SYT2: variants seen among roughly 807,000 people sequenced by gnomAD.
SYT2 encodes synaptotagmin-2.
Under a neutral mutation model 39.9 loss-of-function variants are expected in SYT2, and 15 were observed. The ratio of observed to expected loss-of-function variants is 0.38; its 90% CI spans 0.25 to 0.58. The LOEUF is 0.58. SYT2 is among the 20% of genes least tolerant of loss of function. SYT2 has a pLI of 0.70. For missense variants in SYT2, 389 were observed against 530.3 expected, an observed-to-expected ratio of 0.73 and a Z score of 2.62; for synonymous variants, 181 against 204.5, an observed-to-expected ratio of 0.89 and a Z score of 0.98.
chr1:202,639,826 T>TG, intron 1 of SYT2: 2 of 985,438 alleles, frequency 2.0e-6, no homozygotes, highest in Non-Finnish European at 2.4e-6. Context: ...CACAGGACGT[T>TG]GGGGCATTTT....
intron 1 of SYT2, among the ~76,000 whole-genome samples, chr1:202,700,453 G>C (rs1034618396): frequency 2.0e-5 from 3 of 152,138 alleles, no homozygotes; most frequent in African/African-American, 7.2e-5. Flanking sequence ...CGTTTATTGA[G>C]GACCCTCCAA....
chr1:202,696,219 G>T (rs1256710912), intron 1 of SYT2, among the ~76,000 whole-genome samples: 1 of 152,080 alleles, frequency 6.6e-6, no homozygotes, highest in Non-Finnish European at 1.5e-5. Flanking sequence ...AACCCAAATC[G>T]TGCCTCCCAG....
intron 1 of SYT2, among the ~76,000 whole-genome samples, chr1:202,681,487 A>G (rs1653523919): frequency 6.6e-6 from 1 of 152,232 alleles, no homozygotes; most frequent in South Asian, 2.1e-4. Context: ...AATGTTAAGT[A>G]AAATATCTAA....
At chr1:202,605,851 C>A (rs1483251346) in intron 1 of SYT2, 62 bp from the exon 2 acceptor site, 2 of 1,317,910 alleles carry the variant, frequency 1.5e-6, no homozygotes, top group African/African-American at 2.9e-5. Flanking sequence ...CCTGAGAAAG[C>A]CCTGCCCAAA....
At chr1:202,691,779 GA>G (rs1653841855) in intron 1 of SYT2, among the ~76,000 whole-genome samples, 1 of 141,890 alleles carries the variant, frequency 7.0e-6, no homozygotes, top group African/African-American at 2.7e-5. Context: ...GAGAGAGAGA[GA>G]GAGATGGGAG....
At chr1:202,705,002 A>G (rs1047957461) in intron 1 of SYT2, among the ~76,000 whole-genome samples, 1 of 152,210 alleles carries the variant, frequency 6.6e-6, no homozygotes, top group Non-Finnish European at 1.5e-5. Context: ...GCCTGATTTA[A>G]ATCACCCAGC....
intron 1 of SYT2, among the ~76,000 whole-genome samples, chr1:202,615,583 C>G (rs1691011139): frequency 1.3e-5 from 2 of 152,214 alleles, no homozygotes; most frequent in Admixed American, 6.5e-5. Context: ...CCAGACTGAT[C>G]TATTTAAAAC....
intron 1 of SYT2, among the ~76,000 whole-genome samples, chr1:202,666,596 T>C (rs1307235691): frequency 1.3e-5 from 2 of 152,302 alleles, no homozygotes; most frequent in Admixed American, 6.5e-5. Context: ...TGAATGACTT[T>C]ATCGGTCTAT....
intron 1 of SYT2, among the ~76,000 whole-genome samples, chr1:202,610,217 G>C (rs1690848941): frequency 6.6e-6 from 1 of 152,176 alleles, no homozygotes; most frequent in African/African-American, 2.4e-5. Flanking sequence ...CATTATTTCT[G>C]AGGGCTCTGT....
intron 1 of SYT2, among the ~76,000 whole-genome samples, chr1:202,662,525 C>T (rs1692400948): frequency 6.6e-6 from 1 of 152,240 alleles, no homozygotes; most frequent in South Asian, 2.1e-4. Flanking sequence ...CCAAGTGCTA[C>T]CCTTCCACCG....
chr1:202,697,947 T>C (rs1038805245), intron 1 of SYT2, among the ~76,000 whole-genome samples: 5 of 152,198 alleles, frequency 3.3e-5, no homozygotes, highest in African/African-American at 9.6e-5. Flanking sequence ...TCCTTGCTGA[T>C]AGCTGCCAGG....
At chr1:202,600,705 G>A (rs945738997) in intron 6 of SYT2, among the ~76,000 whole-genome samples, 1 of 152,192 alleles carries the variant, frequency 6.6e-6, no homozygotes, top group African/African-American at 2.4e-5. Context: ...CAGGAGCCGT[G>A]GGCTGAGGAT....
Position 202,607,881 on chromosome 1 carries a change from CTT to C in SYT2, c.-17-2094_-17-2093del, listed in dbSNP as rs34654342. Among the ~76,000 whole-genome samples the C allele has an allele frequency of 4.8e-3, 730 of 150,596 alleles. 6 individuals are homozygous for C. Among genetic ancestry groups the C allele is most frequent in the African/African-American group, 0.017 (698 of 41,146 alleles). On this transcript the variant is annotated intron_variant, in intron 1 of 8. Coordinates refer to ENST00000367268, the MANE Select transcript of SYT2 (RefSeq NM_177402.5). ...ACCACACTGTTCAGGGCTCTGTGAC[CTT>C]TTTTTTTTAAAAAACAGCTTTATTG...
chr1:202,682,452 AG>A (rs1340253715), intron 1 of SYT2, among the ~76,000 whole-genome samples: 1 of 152,242 alleles, frequency 6.6e-6, no homozygotes, highest in Non-Finnish European at 1.5e-5. Context: ...CAGATGGACA[AG>A]AAGGGCACAG....
rs1367346157 is a variant in SYT2 at position 202,628,065 on chromosome 1, C to CA, written c.-17-22277dup. On this transcript the variant is annotated intron_variant, in intron 1 of 8. Coordinates refer to ENST00000367268, the MANE Select transcript of SYT2 (RefSeq NM_177402.5). This position sits in a 1 kb window ranked among gnomAD's most constrained non-coding sequence, Gnocchi z 4.2. ...GGGAAGGTGGGTCTAACGGGAAGATCACAAAGGCACCGGGCTCAGAGGTGG... is the reference window on the plus strand; with the variant it reads ...GGGAAGGTGGGTCTAACGGGAAGATCAACAAAGGCACCGGGCTCAGAGGTGG... 2.0e-5 allele frequency among the ~76,000 whole-genome samples: 3 copies of CA among 152,146 alleles called. No individual in the cohort carries two copies. The highest frequency in any genetic ancestry group is 7.2e-5 in the African/African-American group (3 of 41,428).
chr1:202,708,651 C>T (rs1181862709), intron 1 of SYT2, among the ~76,000 whole-genome samples: 5 of 152,186 alleles, frequency 3.3e-5, no homozygotes, highest in Admixed American at 2.0e-4. Context: ...GGACCCCTGA[C>T]GCTGACTCAC....
At chr1:202,637,567 G>T (rs928694998) in intron 1 of SYT2, among the ~76,000 whole-genome samples, 10 of 152,222 alleles carry the variant, frequency 6.6e-5, no homozygotes, top group African/African-American at 2.4e-4. Flanking sequence ...CAGCCCAGCC[G>T]AGCAGTGGGG....
At chr1:202,668,369 T>C (rs906770622) in intron 1 of SYT2, among the ~76,000 whole-genome samples, 14 of 152,238 alleles carry the variant, frequency 9.2e-5, no homozygotes, top group African/African-American at 3.4e-4. Flanking sequence ...GTGAAAGTGC[T>C]TTATAAAGTT....
intron 1 of SYT2, among the ~76,000 whole-genome samples, chr1:202,676,501 C>A (rs929104546): frequency 2.6e-5 from 4 of 152,216 alleles, no homozygotes; most frequent in Non-Finnish European, 5.9e-5. Flanking sequence ...TTCCTCTTTA[C>A]CTTTCTTGCT....
Sources: gnomAD v4.1 joint callset for allele counts (sites outside exome capture counted in the v4.1 genomes callset) on GRCh38, gnomAD v4.1.1 for gene constraint, Gnocchi (gnomAD v3.1) non-coding constraint, MANE v1.5 for transcripts, NCBI Gene and HGNC (gene_info 2026-07-23, HGNC 2026-07-21) for gene names.